HS6ST2: variants seen among roughly 807,000 people sequenced by gnomAD.
HS6ST2 encodes the protein heparan sulfate 6-O-sulfotransferase 2.
HS6ST2 carries 17 observed loss-of-function variants against 33.0 expected under a neutral mutation model. The observed-to-expected ratio is 0.52, with a 90% CI of 0.35 to 0.77. The LOEUF (loss-of-function observed/expected upper bound fraction) is 0.77. Among genes scored for constraint, HS6ST2 ranks in the 30% least tolerant of loss-of-function variants. The probability of loss-of-function intolerance (pLI) is 0.01; values close to 1 mark genes in which losing one functional copy is unlikely to be tolerated. For missense variants in HS6ST2, 519 were observed against 551.7 expected (o/e 0.94, Z 0.59); for synonymous variants, 248 against 237.1 (o/e 1.05, Z -0.42).
intron 2 of HS6ST2, among the ~76,000 whole-genome samples, chrX:132,934,114 T>A (rs1372107304): frequency 3.6e-5 from 4 of 111,361 alleles, no homozygotes; most frequent in Admixed American, 9.6e-5. Flanking sequence ...AAATGCATAT[T>A]TACTCCCCTT....
At chrX:132,929,983 T>C (rs2066749182) in intron 2 of HS6ST2, among the ~76,000 whole-genome samples, 1 of 111,408 alleles carries the variant, frequency 9.0e-6, no homozygotes, top group Non-Finnish European at 1.9e-5. Flanking sequence ...CAGTTATACC[T>C]AACAGCTAGA....
At chrX:132,682,166 T>C (rs2063976347) in intron 3 of HS6ST2, among the ~76,000 whole-genome samples, 1 of 112,205 alleles carries the variant, frequency 8.9e-6, no homozygotes, top group Admixed American at 9.5e-5. Flanking sequence ...AAGGAAGAGA[T>C]GCCATAAATG....
At chrX:132,839,115 C>A (rs1469429734) in intron 2 of HS6ST2, among the ~76,000 whole-genome samples, 2 of 104,483 alleles carry the variant, frequency 1.9e-5, no homozygotes, top group Non-Finnish European at 3.9e-5. Context: ...TTTGATCCAG[C>A]AATCCTACTA....
rs766921357 is a variant in HS6ST2, at chrX:132,933,276, C to T, written c.947+23532G>A. 8.1e-5 allele frequency among the ~76,000 whole-genome samples: 9 copies of T among 110,462 alleles called. No homozygotes were observed. The South Asian group carries it at 2.8e-3, about 34-fold the overall frequency. On this transcript the variant is annotated intron_variant, in intron 2 of 4. Coordinates refer to ENST00000370833, the MANE Select transcript of HS6ST2 (RefSeq NM_001394073.1). ...CCAGGAGACGGAGGTTGCAGTGAGC[C>T]GAGATCGCACCAGTGCACTCCAGCC...
chrX:132,898,859 T>A (rs2066402785), intron 2 of HS6ST2, among the ~76,000 whole-genome samples: 2 of 110,677 alleles, frequency 1.8e-5, no homozygotes, highest in African/African-American at 6.6e-5. Context: ...TTTGGCTGAG[T>A]ACTGATTGGC....
chrX:132,631,119 C>T (rs2063514223), intron 4 of HS6ST2, among the ~76,000 whole-genome samples: 1 of 111,948 alleles, frequency 8.9e-6, no homozygotes, highest in African/African-American at 3.2e-5. Context: ...AAAGCAGAAT[C>T]TCAGTAACTT....
intron 2 of HS6ST2, among the ~76,000 whole-genome samples, chrX:132,805,796 A>G (rs1256296517): frequency 9.1e-6 from 1 of 110,381 alleles, no homozygotes; most frequent in Non-Finnish European, 1.9e-5. Flanking sequence ...ATGAAATTTA[A>G]TATCTCACAA....
intron 2 of HS6ST2, among the ~76,000 whole-genome samples, chrX:132,715,578 G>A (rs1231123280): frequency 8.9e-6 from 1 of 112,330 alleles, no homozygotes; most frequent in Non-Finnish European, 1.9e-5. Context: ...ACTTGCCACA[G>A]ATCACAGAGC....
intron 2 of HS6ST2, among the ~76,000 whole-genome samples, chrX:132,766,936 C>T (rs956759093): frequency 1.8e-5 from 2 of 111,805 alleles, no homozygotes; most frequent in Middle Eastern, 4.6e-3. Flanking sequence ...AGGGGCTCTG[C>T]GAGGTTGAGT....
chrX:132,728,865 C>T (rs1257870202), intron 2 of HS6ST2, among the ~76,000 whole-genome samples: 1 of 112,388 alleles, frequency 8.9e-6, no homozygotes, highest in Non-Finnish European at 1.9e-5. Context: ...CTAAAGATGA[C>T]GACATAGAAG....
chrX:132,940,885 T>C (rs1188429534), intron 2 of HS6ST2, among the ~76,000 whole-genome samples: 1 of 111,846 alleles, frequency 8.9e-6, no homozygotes, highest in African/African-American at 3.3e-5. Context: ...CTGAATTTTG[T>C]GGTCGCAGGT....
intron 3 of HS6ST2, among the ~76,000 whole-genome samples, chrX:132,702,413 G>A (rs748079878): frequency 8.9e-6 from 1 of 112,264 alleles, no homozygotes; most frequent in South Asian, 3.7e-4. Flanking sequence ...AGGGAAGAGC[G>A]TGAACATGCT....
intron 2 of HS6ST2, among the ~76,000 whole-genome samples, chrX:132,864,574 A>T (rs2065949791): frequency 9.1e-6 from 1 of 109,965 alleles, no homozygotes; most frequent in Non-Finnish European, 1.9e-5. Flanking sequence ...AATGAAAAGG[A>T]ACAAACAAAA....
At chrX:132,863,082 C>T (rs1171810264) in intron 2 of HS6ST2, among the ~76,000 whole-genome samples, 3 of 111,715 alleles carry the variant, frequency 2.7e-5, no homozygotes, top group Non-Finnish European at 5.6e-5. Context: ...ACAACCTCTC[C>T]TGGAAAAGAG....
At chrX:132,653,532 T>A (rs1051520448) in intron 4 of HS6ST2, among the ~76,000 whole-genome samples, 1 of 111,658 alleles carries the variant, frequency 9.0e-6, no homozygotes, top group East Asian at 2.8e-4. Flanking sequence ...GTTTGTACTT[T>A]AGTCAGCAAA....
At chrX:132,834,418 T>C (rs1439655097) in intron 2 of HS6ST2, among the ~76,000 whole-genome samples, 1 of 111,756 alleles carries the variant, frequency 8.9e-6, no homozygotes, top group Non-Finnish European at 1.9e-5. Context: ...GAGCTTATTG[T>C]TATTCCGCGG....
intron 2 of HS6ST2, among the ~76,000 whole-genome samples, chrX:132,940,780 T>A (rs1293918186): frequency 9.0e-6 from 1 of 111,615 alleles, no homozygotes; most frequent in Non-Finnish European, 1.9e-5. Flanking sequence ...TGATACCACA[T>A]CTCTCCATCT....
chrX:132,819,331 G>A (rs908657663), intron 2 of HS6ST2, among the ~76,000 whole-genome samples: 5 of 111,563 alleles, frequency 4.5e-5, no homozygotes, highest in African/African-American at 1.6e-4. Context: ...AAACCATGCT[G>A]AATTTAGGGA....
intron 2 of HS6ST2, among the ~76,000 whole-genome samples, chrX:132,941,084 C>G (rs2066881964): frequency 8.9e-6 from 1 of 111,963 alleles, no homozygotes; most frequent in Non-Finnish European, 1.9e-5. Flanking sequence ...AGGGGAATAT[C>G]ACAATCCTGC....
Sources: gnomAD v4.1 joint callset for allele counts (sites outside exome capture counted in the v4.1 genomes callset) on GRCh38, gnomAD v4.1.1 for gene constraint, MANE v1.5 for transcripts, NCBI Gene and HGNC (gene_info 2026-07-23, HGNC 2026-07-21) for gene names.